HIVEP2: variants seen among roughly 807,000 people sequenced by gnomAD.
HIVEP2 encodes transcription factor HIVEP2.
Under a neutral mutation model 180.7 loss-of-function variants are expected in HIVEP2, and 14 were observed. The ratio of observed to expected loss-of-function variants is 0.08; its 90% confidence interval spans 0.05 to 0.12. HIVEP2 has a LOEUF of 0.12. Ranked by LOEUF, HIVEP2 falls within the 10% of genes least tolerant of loss-of-function variation. HIVEP2 has a pLI of 1.00. For missense variants in HIVEP2, 2,579 were observed against 3,008.5 expected, an observed-to-expected ratio of 0.86 and a Z score of 3.34; for synonymous variants, 1,184 against 1,136.4, an observed-to-expected ratio of 1.04 and a Z score of -0.84.
chr6:142,808,746 A>G (rs1244030995), intron 2 of HIVEP2, among the ~76,000 whole-genome samples: 1 of 145,882 alleles, frequency 6.9e-6, no homozygotes, highest in Non-Finnish European at 1.5e-5. Flanking sequence ...GATGGGGGAT[A>G]GAGGCAGGGA....
chr6:142,873,551 A>C (rs1776350884), intron 1 of HIVEP2, among the ~76,000 whole-genome samples: 2 of 152,224 alleles, frequency 1.3e-5, no homozygotes, highest in Admixed American at 1.3e-4. Context: ...ACATTATTTG[A>C]AAACAATTAA....
At chr6:142,827,654 T>C (rs953784096) in intron 2 of HIVEP2, among the ~76,000 whole-genome samples, 3 of 152,116 alleles carry the variant, frequency 2.0e-5, no homozygotes, top group Non-Finnish European at 2.9e-5. Context: ...TGCTCACCAT[T>C]ATCAGCTGGT....
chr6:142,876,387 C>T (rs764157427), intron 1 of HIVEP2, among the ~76,000 whole-genome samples: 1 of 152,070 alleles, frequency 6.6e-6, no homozygotes, highest in Non-Finnish European at 1.5e-5. Context: ...TAAAGACCCT[C>T]TGAAGAACTT....
At chr6:142,784,911 G>A (rs1458886362) in intron 2 of HIVEP2, among the ~76,000 whole-genome samples, 2 of 151,622 alleles carry the variant, frequency 1.3e-5, no homozygotes, top group Middle Eastern at 3.4e-3. Context: ...TTTTTGAGAC[G>A]GAGTCTTGCT....
At chr6:142,793,681 C>CTTTTTT (rs1554279298) in intron 2 of HIVEP2, among the ~76,000 whole-genome samples, 1 of 125,566 alleles carries the variant, frequency 8.0e-6, no homozygotes, top group Admixed American at 9.6e-5. Context: ...CTTTCTCTCT[C>CTTTTTT]TCTCTCTCTC....
intron 1 of HIVEP2, among the ~76,000 whole-genome samples, chr6:142,886,130 G>A (rs760896651): frequency 2.6e-5 from 4 of 152,118 alleles, no homozygotes; most frequent in Non-Finnish European, 5.9e-5. Flanking sequence ...ATCCTTTACA[G>A]AAATAATTAC....
At chr6:142,937,750 C>T (rs1778089907) in intron 1 of HIVEP2, among the ~76,000 whole-genome samples, 1 of 152,174 alleles carries the variant, frequency 6.6e-6, no homozygotes, top group Non-Finnish European at 1.5e-5. Flanking sequence ...TGGAATCCTG[C>T]TTCACCAATG....
chr6:142,815,998 C>T (rs547594992), intron 2 of HIVEP2, among the ~76,000 whole-genome samples: 1 of 152,148 alleles, frequency 6.6e-6, no homozygotes, highest in Admixed American at 6.5e-5. Context: ...TTTTTTTACA[C>T]TACCCAATTC....
chr6:142,894,367 C>G (rs1053448193), intron 1 of HIVEP2, among the ~76,000 whole-genome samples: 2 of 152,120 alleles, frequency 1.3e-5, no homozygotes, highest in African/African-American at 4.8e-5. Context: ...AATACCTACT[C>G]AAGAAAACCA....
intron 1 of HIVEP2, among the ~76,000 whole-genome samples, chr6:142,871,603 G>A: frequency 6.7e-6 from 1 of 148,334 alleles, no homozygotes. Context: ...TACATTGTGT[G>A]AATAGATCAG....
intron 1 of HIVEP2, among the ~76,000 whole-genome samples, chr6:142,858,250 C>T (rs1322436597): frequency 1.3e-5 from 2 of 152,126 alleles, no homozygotes. Flanking sequence ...GAAGGCAGTG[C>T]ACACTGTAGC....
chr6:142,828,784 A>G (rs956165135), intron 2 of HIVEP2, among the ~76,000 whole-genome samples: 4 of 152,160 alleles, frequency 2.6e-5, no homozygotes, highest in Non-Finnish European at 5.9e-5. Context: ...GAACAGGACC[A>G]TTCTTATTTC....
At chr6:142,768,168 A>G (rs1395406485) in intron 6 of HIVEP2, among the ~76,000 whole-genome samples, 1 of 152,200 alleles carries the variant, frequency 6.6e-6, no homozygotes, top group Non-Finnish European at 1.5e-5. Flanking sequence ...GGCTTGAATG[A>G]TATCCATTAG....
intron 1 of HIVEP2, among the ~76,000 whole-genome samples, chr6:142,892,070 CACTGCGCTGCCT>C (rs1170223886): frequency 6.6e-6 from 1 of 152,198 alleles, no homozygotes; most frequent in African/African-American, 2.4e-5. Flanking sequence ...GGCCTGGCCT[CACTGCGCTGCCT>C]ACTGCACTTT....
At chr6:142,869,906 C>T (rs1776245170) in intron 1 of HIVEP2, among the ~76,000 whole-genome samples, 1 of 152,094 alleles carries the variant, frequency 6.6e-6, no homozygotes, top group South Asian at 2.1e-4. Context: ...GTGTTCATTA[C>T]CTTCCTTCTT....
At chr6:142,914,522 T>A (rs181800283) in intron 1 of HIVEP2, among the ~76,000 whole-genome samples, 6 of 152,310 alleles carry the variant, frequency 3.9e-5, no homozygotes, top group Admixed American at 1.3e-4. Context: ...GGCAGAGTCA[T>A]AACAGACAAT....
At chr6:142,897,302 A>T (rs1777024892) in intron 1 of HIVEP2, among the ~76,000 whole-genome samples, 1 of 152,244 alleles carries the variant, frequency 6.6e-6, no homozygotes, top group Admixed American at 6.5e-5. Flanking sequence ...ACAAATTGGC[A>T]TACCTGCTTT....
intron 2 of HIVEP2, among the ~76,000 whole-genome samples, chr6:142,792,599 T>C (rs552978193): frequency 6.6e-6 from 1 of 152,042 alleles, no homozygotes; most frequent in South Asian, 2.1e-4. Context: ...TTAGGACAAA[T>C]ACCTAAGCAT....
At chr6:142,944,631 G>T (rs1315921056) in intron 1 of HIVEP2, among the ~76,000 whole-genome samples, 2 of 152,172 alleles carry the variant, frequency 1.3e-5, no homozygotes, top group Admixed American at 1.3e-4. Context: ...CCTTCCTGTG[G>T]CTGCACCACG....
Sources: gnomAD v4.1 joint callset for allele counts (sites outside exome capture counted in the v4.1 genomes callset) on GRCh38, gnomAD v4.1.1 for gene constraint, MANE v1.5 for transcripts, NCBI Gene and HGNC (gene_info 2026-07-23, HGNC 2026-07-21) for gene names.